Variants in DEPDC4 observed in about 807,000 individuals in gnomAD.
DEPDC4 encodes the protein DEP domain containing 4.
A neutral mutation model predicts 52.0 loss-of-function variants in DEPDC4; 52 were observed. The ratio of observed to expected loss-of-function variants is 1.00; its 90% confidence interval spans 0.80 to 1.26. The LOEUF (loss-of-function observed/expected upper bound fraction) is 1.26, where lower values mean the gene tolerates loss of function less well. Among genes scored for constraint, DEPDC4 ranks in the 50% most tolerant of loss-of-function variants. The probability of loss-of-function intolerance (pLI) is 0.00; values close to 1 mark genes in which losing one functional copy is unlikely to be tolerated. For synonymous variants in DEPDC4, 201 were observed against 196.8 expected, an observed-to-expected ratio of 1.02 and a Z score of -0.18; for missense variants, 530 against 546.9, an observed-to-expected ratio of 0.97 and a Z score of 0.31.
At chr12:100,274,906 A>G in the DEPDC4 span, among the ~76,000 whole-genome samples, 1 of 152,204 alleles carries the variant, frequency 6.6e-6, no homozygotes, top group Non-Finnish European at 1.5e-5. Context: ...GTAATATTCT[A>G]GAATCAGTTT....
At chr12:100,273,045 T>C in the DEPDC4 span, among the ~76,000 whole-genome samples, 40 of 152,264 alleles carry the variant, frequency 2.6e-4, no homozygotes, top group African/African-American at 9.4e-4. Context: ...TTCTCTTCAG[T>C]CTTGCCATAT....
chr12:100,274,628 C>T, the DEPDC4 span, among the ~76,000 whole-genome samples: 2 of 152,114 alleles, frequency 1.3e-5, no homozygotes, highest in Non-Finnish European at 2.9e-5. Flanking sequence ...CCTCCTCCCA[C>T]AAAATTTTTT....
At chr12:100,267,428 T>G, upstream of DEPDC4, 3 of 185,764 alleles carry the variant, frequency 1.6e-5, no homozygotes, top group Non-Finnish European at 2.3e-5. Context: ...CCGACCGACC[T>G]CCCTCACCGG....
chr12:100,237,151 G>T (rs182919742), downstream of DEPDC4, among the ~76,000 whole-genome samples: 25 of 151,420 alleles, frequency 1.7e-4, 1 homozygote, highest in Admixed American at 1.5e-3. Flanking sequence ...GCTTAGTCTT[G>T]CTTTGGCTAT....
upstream of DEPDC4, chr12:100,267,089 C>G: frequency 6.2e-7 from 1 of 1,611,252 alleles, no homozygotes; most frequent in South Asian, 1.1e-5. Context: ...CCCCGCCCCA[C>G]CTGACACCCG....
At chr12:100,252,607 T>TACTA in intron 5 of DEPDC4, 71 bp from the exon 6 acceptor site, 1 of 1,418,784 alleles carries the variant, frequency 7.0e-7, no homozygotes, top group Non-Finnish European at 9.4e-7. Context: ...ATTTACTTAG[T>TACTA]AGTCAATTAA....
At position 100,263,693 on chromosome 12, in the gene DEPDC4, C is replaced by T. The variant is rs771572337; in HGVS notation, c.358G>A (p.Gly120Arg). The change falls in exon 2 of 10, where the codon GGG becomes AGG. Residue 120 changes from glycine (G) to arginine (R), a missense_variant. Gly to Arg is a moderately radical substitution (Grantham distance 125). Coordinates refer to ENST00000550587, the MANE Select transcript of DEPDC4 (RefSeq NM_001364818.2). ...ATTAGAACTTGGCAAAGATGAACCC[C>T]TTTAAGACAAGAGATGTCATTGCTA... is the stretch of plus-strand genomic sequence containing the variant. ...LSSNDISCLKGVHLCQVLMNH... is the reference protein window; with the variant it reads ...LSSNDISCLKRVHLCQVLMNH... 1.1e-5 allele frequency: 17 copies of T among 1,613,970 alleles called. No homozygotes were observed. Among genetic ancestry groups the T allele is most frequent in the Non-Finnish European group, 1.4e-5 (16 of 1,180,014 alleles).
chr12:100,271,380 G>A (rs1488308715), upstream of DEPDC4, among the ~76,000 whole-genome samples: 1 of 151,374 alleles, frequency 6.6e-6, no homozygotes, highest in African/African-American at 2.4e-5. Context: ...CCCAGATTTT[G>A]TGAAGTATTT....
chr12:100,237,451 A>T (rs1403735248), downstream of DEPDC4, among the ~76,000 whole-genome samples: 1 of 151,888 alleles, frequency 6.6e-6, no homozygotes, highest in African/African-American at 2.4e-5. Context: ...CAGGTGATCC[A>T]CCCACCTTGG....
chr12:100,273,299 C>T, the DEPDC4 span, among the ~76,000 whole-genome samples: 1 of 152,120 alleles, frequency 6.6e-6, no homozygotes, highest in South Asian at 2.1e-4. Flanking sequence ...CAGTTTACTC[C>T]TCTAGCATTA....
In DEPDC4 at chr12:100,263,807, G is replaced by A. The variant is rs776223835; in HGVS notation, c.244C>T (p.His82Tyr). 8 of 1,614,110 alleles carry A rather than the reference G, an allele frequency of 5.0e-6. No individual in the cohort carries two copies. Among genetic ancestry groups the A allele is most frequent in the Non-Finnish European group, 6.8e-6 (8 of 1,179,998 alleles). ...QAQVEIKRRR[H>Y]HLQTYKDCFT... ...CAGTCTTTGTATGTCTGTAAATGAT[G>A]CCTCCTTCTTTTTATTTCCACTTGG... is the stretch of plus-strand genomic sequence containing the variant. The change falls in exon 2 of 10, where the codon CAT becomes TAT. Residue 82 changes from histidine to tyrosine, a missense_variant. Coordinates refer to ENST00000550587, the MANE Select transcript of DEPDC4 (RefSeq NM_001364818.2).
the DEPDC4 span, among the ~76,000 whole-genome samples, chr12:100,281,132 G>A: frequency 3.6e-5 from 5 of 139,794 alleles, no homozygotes; most frequent in African/African-American, 7.9e-5. Flanking sequence ...GGGCTCAAAC[G>A]ATCCTTCCAC....
chr12:100,251,269 G>C (rs1479071648), intron 7 of DEPDC4, among the ~76,000 whole-genome samples: 2 of 151,960 alleles, frequency 1.3e-5, no homozygotes, highest in Admixed American at 6.6e-5. Context: ...AGAAGAAAGG[G>C]AATTCTTTAT....
intron 3 of DEPDC4, among the ~76,000 whole-genome samples, chr12:100,256,638 GTTTTTTGT>G (rs1566320834): frequency 3.1e-5 from 4 of 130,038 alleles, no homozygotes; most frequent in Admixed American, 7.8e-5. Context: ...TTTGTTTTGT[GTTTTTTGT>G]TTTTTTTTTT....
At chr12:100,262,503 T>C in intron 2 of DEPDC4, 94 bp from the exon 3 acceptor site, 1 of 1,031,076 alleles carries the variant, frequency 9.7e-7, no homozygotes, top group Non-Finnish European at 1.3e-6. Context: ...TATTCATACA[T>C]TCTCTATTTC....
intron 8 of DEPDC4, among the ~76,000 whole-genome samples, chr12:100,247,882 T>C (rs2096192450): frequency 6.6e-6 from 1 of 152,162 alleles, no homozygotes; most frequent in African/African-American, 2.4e-5. Flanking sequence ...CAATTAATAA[T>C]GCCTTTGGAT....
rs780605614 is a variant in DEPDC4 at position 100,262,246 on chromosome 12, A to T, written c.700+18T>A. 6.3e-7 allele frequency: 1 copy of T among 1,597,586 alleles called. No individual in the cohort carries two copies. Among genetic ancestry groups the T allele is most frequent in the Non-Finnish European group, 8.5e-7 (1 of 1,175,112 alleles). On this transcript the variant is annotated intron_variant, in intron 3 of 9. Transcript: ENST00000550587. ...TTCTTCCTTACCATGTTCTGAAAAA[A>T]TAATGAAAACAAATTACCTTCTTTT... is the stretch of plus-strand genomic sequence containing the variant.
chr12:100,277,775 GTTCC>G, the DEPDC4 span, among the ~76,000 whole-genome samples: 2 of 151,678 alleles, frequency 1.3e-5, no homozygotes, highest in African/African-American at 4.8e-5. Context: ...TTTGTTTTTT[GTTCC>G]TTCCTCTTTT....
the DEPDC4 span, among the ~76,000 whole-genome samples, chr12:100,279,097 T>C: frequency 1.3e-5 from 2 of 152,236 alleles, no homozygotes; most frequent in East Asian, 1.9e-4. Flanking sequence ...GAGCTTTGTA[T>C]AGCAGCAGTC....
Sources: gnomAD v4.1 joint callset for allele counts (sites outside exome capture counted in the v4.1 genomes callset) on GRCh38, gnomAD v4.1.1 for gene constraint, MANE v1.5 for transcripts, NCBI Gene and HGNC (gene_info 2026-07-23, HGNC 2026-07-21) for gene names.